The following TRPC6 variants were observed in gnomAD, a reference collection of about 807,000 sequenced individuals.
The protein encoded by TRPC6 is transient receptor potential cation channel subfamily C member 6, also known as short transient receptor potential channel 6.
In TRPC6, 55 loss-of-function variants were observed where a neutral mutation model predicts 90.7. The observed-to-expected ratio is 0.61, with a 90% CI of 0.49 to 0.76. TRPC6 has a LOEUF of 0.76. Ranked by LOEUF, TRPC6 falls within the 30% of genes least tolerant of loss-of-function variation. The pLI, the probability that TRPC6 is intolerant of heterozygous loss-of-function variation, is 0.00. For synonymous variants in TRPC6, 393 were observed against 393.0 expected (o/e 1.00, Z 0.00); for missense variants, 989 against 1,122.7 (o/e 0.88, Z 1.70).
intron 4 of TRPC6, among the ~76,000 whole-genome samples, 173 bp from the exon 5 acceptor site, chr11:101,483,338 G>A (rs780340976): frequency 6.6e-6 from 1 of 152,132 alleles, no homozygotes; most frequent in Middle Eastern, 3.4e-3. Context: ...ACAAAATTTT[G>A]TTCACGTTCC....
chr11:101,490,333 A>G (rs531172901), intron 3 of TRPC6, among the ~76,000 whole-genome samples: 44 of 152,336 alleles, frequency 2.9e-4, no homozygotes, highest in African/African-American at 1.0e-3. Flanking sequence ...ACAATGGTTC[A>G]TTATTCTCCA....
At chr11:101,523,436 T>A (rs61916051) in intron 1 of TRPC6, among the ~76,000 whole-genome samples, 3,350 of 152,362 alleles carry the variant, frequency 0.022, 57 homozygotes, top group Non-Finnish European at 0.029. Context: ...ATATCATTTC[T>A]AAGATATATG....
intron 1 of TRPC6, among the ~76,000 whole-genome samples, chr11:101,549,404 T>C (rs1427333855): frequency 6.6e-6 from 1 of 151,848 alleles, no homozygotes; most frequent in Non-Finnish European, 1.5e-5. Flanking sequence ...AAAACATTTA[T>C]ACATGTTTTA....
At chr11:101,528,288 T>C (rs1226905329) in intron 1 of TRPC6, among the ~76,000 whole-genome samples, 1 of 152,118 alleles carries the variant, frequency 6.6e-6, no homozygotes, top group Non-Finnish European at 1.5e-5. Context: ...GTCTGCCACA[T>C]TGGACCTGGA....
At chr11:101,567,832 A>G (rs906751151) in intron 1 of TRPC6, among the ~76,000 whole-genome samples, 2 of 152,208 alleles carry the variant, frequency 1.3e-5, no homozygotes, top group African/African-American at 2.4e-5. Flanking sequence ...AAATCAACAA[A>G]AAGGACATCC....
At chr11:101,567,103 A>G (rs1861852303) in intron 1 of TRPC6, among the ~76,000 whole-genome samples, 1 of 152,136 alleles carries the variant, frequency 6.6e-6, no homozygotes, top group Admixed American at 6.5e-5. Context: ...GATCCCAGCA[A>G]GCTCAGATCC....
At chr11:101,473,908 T>C in intron 6 of TRPC6, 135 bp from the exon 7 acceptor site, 1 of 1,176,596 alleles carries the variant, frequency 8.5e-7, no homozygotes, top group Non-Finnish European at 1.2e-6. Context: ...TTAAAGGGCT[T>C]CTTAAGTGTC....
At chr11:101,521,833 C>T (rs939313072) in intron 1 of TRPC6, among the ~76,000 whole-genome samples, 3 of 152,296 alleles carry the variant, frequency 2.0e-5, no homozygotes, top group East Asian at 1.9e-4. Flanking sequence ...ATAACTGCCC[C>T]GCTGGGTTTC....
intron 4 of TRPC6, among the ~76,000 whole-genome samples, chr11:101,485,877 T>C (rs1591078243): frequency 1.3e-5 from 2 of 152,144 alleles, no homozygotes; most frequent in South Asian, 4.1e-4. Flanking sequence ...CCTGAACAAC[T>C]CTAAAGTCAA....
At chr11:101,522,289 T>TA (rs1860680211) in intron 1 of TRPC6, among the ~76,000 whole-genome samples, 1 of 152,154 alleles carries the variant, frequency 6.6e-6, no homozygotes, top group South Asian at 2.1e-4. Context: ...ATCTGTTGTT[T>TA]AAAAATGTAT....
intron 10 of TRPC6, among the ~76,000 whole-genome samples, chr11:101,462,695 A>G (rs989828852): frequency 6.6e-6 from 1 of 152,188 alleles, no homozygotes; most frequent in Non-Finnish European, 1.5e-5. Context: ...ATCTGCTTAT[A>G]AGGAGATTTT....
intron 9 of TRPC6, among the ~76,000 whole-genome samples, chr11:101,470,230 G>C (rs183867854): frequency 6.6e-6 from 1 of 152,300 alleles, no homozygotes; most frequent in African/African-American, 2.4e-5. Context: ...CTTATTAAAA[G>C]TTTGCTCTTA....
chr11:101,522,207 G>A (rs984418022), intron 1 of TRPC6, among the ~76,000 whole-genome samples: 2 of 152,134 alleles, frequency 1.3e-5, no homozygotes, highest in African/African-American at 4.8e-5. Context: ...AAAGGGCCTG[G>A]TAGGAGGTGA....
intron 2 of TRPC6, among the ~76,000 whole-genome samples, chr11:101,499,713 ATT>A (rs1860051278): frequency 1.6e-5 from 1 of 60,926 alleles, no homozygotes; most frequent in African/African-American, 8.4e-5. Flanking sequence ...ATATATACAC[ATT>A]TTATATTGTG....
chr11:101,562,932 G>A (rs1001606102), intron 1 of TRPC6, among the ~76,000 whole-genome samples: 8 of 152,104 alleles, frequency 5.3e-5, no homozygotes, highest in African/African-American at 1.7e-4. Flanking sequence ...GGATTCCTAC[G>A]TGTAAAACGC....
At chr11:101,564,980 T>G (rs988249636) in intron 1 of TRPC6, among the ~76,000 whole-genome samples, 8 of 152,038 alleles carry the variant, frequency 5.3e-5, no homozygotes, top group African/African-American at 1.4e-4. Context: ...AAAGATAGTC[T>G]CTTCAATAAA....
intron 4 of TRPC6, among the ~76,000 whole-genome samples, chr11:101,485,126 TACACACAC>T (rs10639907): frequency 3.5e-5 from 5 of 143,950 alleles, no homozygotes; most frequent in African/African-American, 1.3e-4. Flanking sequence ...GGCCAAAGAA[TACACACAC>T]ACACACACAC....
intron 2 of TRPC6, among the ~76,000 whole-genome samples, chr11:101,497,208 T>C (rs1202106400): frequency 6.6e-6 from 1 of 152,224 alleles, no homozygotes; most frequent in African/African-American, 2.4e-5. Flanking sequence ...AATTCTGCTA[T>C]AGCATAGACT....
At chr11:101,577,044 T>C (rs1445755502) in intron 1 of TRPC6, among the ~76,000 whole-genome samples, 4 of 152,134 alleles carry the variant, frequency 2.6e-5, no homozygotes, top group Admixed American at 2.6e-4. Flanking sequence ...GACCCACCAT[T>C]AATCCAAGTG....
Sources: allele counts gnomAD v4.1 joint callset (sites outside exome capture counted in the v4.1 genomes callset), GRCh38; gene constraint gnomAD v4.1.1; transcripts MANE v1.5; gene names NCBI Gene and HGNC (gene_info 2026-07-23, HGNC 2026-07-21).